GATB: variants seen among roughly 807,000 people sequenced by gnomAD.
The protein encoded by GATB is glutamyl-tRNA(Gln) amidotransferase subunit B, mitochondrial.
A neutral mutation model predicts 62.3 loss-of-function variants in GATB; 39 were observed. The observed-to-expected ratio is 0.63, with a 90% CI of 0.48 to 0.82. GATB has a LOEUF of 0.82. Among genes scored for constraint, GATB ranks in the 40% least tolerant of loss-of-function variants. The pLI, the probability that GATB is intolerant of heterozygous loss-of-function variation, is 0.00. For synonymous variants in GATB, 276 were observed against 258.9 expected (o/e 1.07, Z -0.63); for missense variants, 670 against 684.0 (o/e 0.98, Z 0.23).
intron 2 of GATB, among the ~76,000 whole-genome samples, chr4:151,733,700 TACAAA>T (rs1739313717): frequency 6.6e-6 from 1 of 152,130 alleles, no homozygotes; most frequent in African/African-American, 2.4e-5. Context: ...CTAAAATCCT[TACAAA>T]ATACTAGCTA....
In GATB at chr4:151,701,439, C is replaced by G. The variant is rs1314250147; in HGVS notation, c.1087G>C (p.Val363Leu). Residue 363 changes from valine to leucine, a missense_variant, in exon 9 of 13, where the codon GTG becomes CTG. Val to Leu is a conservative substitution (Grantham distance 32). Coordinates refer to ENST00000263985, the MANE Select transcript of GATB (RefSeq NM_004564.3). Reference protein sequence around the residue: ...SLPAGADPQQVINIDQIRETL... With the variant: ...SLPAGADPQQLINIDQIRETL... ...TCCCGAATCTGGTCAATATTGATCA[C>G]TTGCTGTGGGTCTGCACCTGCGGGC... 1.9e-6 allele frequency: 3 copies of G among 1,603,658 alleles called. No homozygotes were observed. The highest frequency in any genetic ancestry group is 2.6e-6 in the Non-Finnish European group (3 of 1,174,882).
chr4:151,703,698 C>A, intron 8 of GATB, 153 bp downstream of exon 8: 1 of 673,308 alleles, frequency 1.5e-6, no homozygotes, highest in Admixed American at 2.3e-5. Flanking sequence ...GTATGCATAT[C>A]AAAGAGGAAG....
At position 151,671,314 on chromosome 4, in the gene GATB, G is replaced by T; in HGVS notation, c.1546-12C>A. 1 of 1,498,082 alleles carries T rather than the reference G, an allele frequency of 6.7e-7. No individual in the cohort carries two copies. Among genetic ancestry groups the T allele is most frequent in the Non-Finnish European group, 9.0e-7 (1 of 1,117,180 alleles). 92.8% of individuals were successfully genotyped at this position (1,498,082 alleles called of 1,614,324 possible). A position where few individuals can be genotyped will look rare whatever the true frequency, so the allele number is the denominator to read the frequency against. On this transcript the variant is annotated splice_polypyrimidine_tract_variant and intron_variant, in intron 12 of 12. Coordinates refer to ENST00000263985, the MANE Select transcript of GATB (RefSeq NM_004564.3). ...TTCACATCCATTACCTAGAAGGACA[G>T]AAATTACTTACTTAAGAGGAGAAAA...
chr4:151,672,297 C>T (rs996550125), intron 12 of GATB, among the ~76,000 whole-genome samples: 2 of 152,180 alleles, frequency 1.3e-5, no homozygotes, highest in African/African-American at 4.8e-5. Flanking sequence ...TTTATGAATA[C>T]TTTTCCCTTC....
intron 11 of GATB, chr4:151,673,488 A>C (rs1308944239): frequency 1.3e-5 from 2 of 152,300 alleles, no homozygotes; most frequent in East Asian, 1.9e-4. Context: ...CCCCGTAATG[A>C]AGATACAAAA....
At chr4:151,736,151 A>G (rs979013065) in intron 2 of GATB, among the ~76,000 whole-genome samples, 1 of 152,230 alleles carries the variant, frequency 6.6e-6, no homozygotes, top group African/African-American at 2.4e-5. Flanking sequence ...CCTATGCCAT[A>G]GATTCAATTA....
intron 10 of GATB, among the ~76,000 whole-genome samples, chr4:151,681,852 G>A (rs760064538): frequency 2.0e-5 from 3 of 152,170 alleles, no homozygotes; most frequent in Non-Finnish European, 4.4e-5. Context: ...GAAGGAGCGA[G>A]GGAGCTCTCA....
rs1306729571 is a variant in GATB at position 151,716,023 on chromosome 4, T to C, written c.749A>G (p.Gln250Arg). ...GTGGCTTCTACCTGCCATGTTCGCC[T>C]GGCTGGTCCCCAGGGCTTGAAGGAT... ...QLILQALGTS[Q>R]ANMAEGQLRV... The change falls in exon 5 of 13, where the codon CAG becomes CGG. Residue 250 changes from glutamine to arginine, a missense_variant. Transcript: ENST00000263985. 12 of 1,613,854 alleles carry C rather than the reference T, an allele frequency of 7.4e-6. No homozygotes were observed. In the East Asian group the frequency reaches 2.7e-4, roughly 36 times the overall value.
At chr4:151,672,650 T>C in intron 12 of GATB, 112 bp downstream of exon 12, 1 of 1,102,148 alleles carries the variant, frequency 9.1e-7, no homozygotes, top group Admixed American at 2.4e-5. Flanking sequence ...TTGATGAAAC[T>C]GGGTCAGCCA....
chr4:151,688,732 T>C lies in GATB; in HGVS notation c.1229A>G (p.Asn410Ser), dbSNP rs1738303457. The C allele has an allele frequency of 6.8e-6, 11 of 1,609,146 alleles. No individual in the cohort carries two copies. The highest frequency in any genetic ancestry group is 9.3e-6 in the Non-Finnish European group (11 of 1,178,782). ...NEVGLLEFFQNVIKETRAEPK... is the reference protein window; with the variant it reads ...NEVGLLEFFQSVIKETRAEPK... Reference sequence around the variant, plus strand: ...CTCTGCCCTAGTTTCTTTTATCACATTTTGGAAGAACTCCAGTAGGCCGAC... The same window carrying C: ...CTCTGCCCTAGTTTCTTTTATCACACTTTGGAAGAACTCCAGTAGGCCGAC... The change falls in exon 10 of 13, where the codon AAT (asparagine) becomes AGT (serine). Residue 410 changes from asparagine to serine, a missense_variant. Transcript: ENST00000263985.
At chr4:151,686,650 C>CCA (rs1560843438) in intron 10 of GATB, among the ~76,000 whole-genome samples, 1 of 72,220 alleles carries the variant, frequency 1.4e-5, no homozygotes, top group Non-Finnish European at 2.5e-5. Flanking sequence ...AGTCCCCGCC[C>CCA]CGCCCCCCCC....
At chr4:151,732,507 T>C in intron 2 of GATB, among the ~76,000 whole-genome samples, 1 of 152,056 alleles carries the variant, frequency 6.6e-6, no homozygotes, top group Admixed American at 6.5e-5. Context: ...GTTAAACAGA[T>C]GCTTGAAGGC....
intron 2 of GATB, among the ~76,000 whole-genome samples, chr4:151,740,530 T>A (rs950874932): frequency 6.6e-6 from 1 of 152,230 alleles, no homozygotes; most frequent in African/African-American, 2.4e-5. Flanking sequence ...GCCATAGGAA[T>A]TTTTCAGCTC....
Position 151,712,693 on chromosome 4 carries a change from C to G in GATB, c.763+3316G>C, listed in dbSNP as rs149972550. Among the ~76,000 whole-genome samples the G allele has an allele frequency of 3.0e-3, 450 of 152,260 alleles. 1 individual carries two copies. The highest frequency in any genetic ancestry group is 9.9e-3 in the African/African-American group (412 of 41,552). ...AACGTATTTTACAAAGCTCACTCAT[C>G]TAGATGAGTGGTAATTCCATAAAAG... On this transcript the variant is annotated intron_variant, in intron 5 of 12. Coordinates refer to ENST00000263985, the MANE Select transcript of GATB (RefSeq NM_004564.3).
chr4:151,741,582 A>G (rs1739488671), intron 2 of GATB, among the ~76,000 whole-genome samples: 1 of 152,198 alleles, frequency 6.6e-6, no homozygotes, highest in Non-Finnish European at 1.5e-5. Flanking sequence ...GGAGACTTCC[A>G]TTACTAGGAA....
intron 5 of GATB, among the ~76,000 whole-genome samples, chr4:151,714,795 G>T (rs984867875): frequency 6.6e-6 from 1 of 152,052 alleles, no homozygotes; most frequent in South Asian, 2.1e-4. Context: ...ATGTTCTGTG[G>T]ATTAAAAAAA....
At chr4:151,699,041 T>A (rs1738547438) in intron 9 of GATB, among the ~76,000 whole-genome samples, 1 of 152,086 alleles carries the variant, frequency 6.6e-6, no homozygotes, top group Non-Finnish European at 1.5e-5. Flanking sequence ...AAAAAATCTT[T>A]AAAAAAATCT....
chr4:151,754,009 A>G (rs916074238), intron 2 of GATB, among the ~76,000 whole-genome samples: 1 of 152,240 alleles, frequency 6.6e-6, no homozygotes, highest in East Asian at 1.9e-4. Context: ...TTCTTAATAA[A>G]TCCAATGGGC....
intron 5 of GATB, among the ~76,000 whole-genome samples, chr4:151,708,672 C>G (rs1738762612): frequency 6.6e-6 from 1 of 152,218 alleles, no homozygotes; most frequent in Non-Finnish European, 1.5e-5. Context: ...CTGTAATAAT[C>G]TCTTCCTTCC....
Sources: allele counts gnomAD v4.1 joint callset (sites outside exome capture counted in the v4.1 genomes callset), GRCh38; gene constraint gnomAD v4.1.1; transcripts MANE v1.5; gene names NCBI Gene and HGNC (gene_info 2026-07-23, HGNC 2026-07-21).